The following SGPL1 variants were observed in gnomAD, a reference collection of about 807,000 sequenced individuals.
SGPL1 encodes SP-lyase 1.
Under a neutral mutation model 68.9 loss-of-function variants are expected in SGPL1, and 37 were observed. That is an observed-to-expected ratio of 0.54 (90% confidence interval 0.41 to 0.71). SGPL1 has a LOEUF of 0.71. SGPL1 is among the 30% of genes least tolerant of loss of function. The pLI is 0.00. For synonymous variants in SGPL1, 236 were observed against 248.5 expected (o/e 0.95, Z 0.47); for missense variants, 551 against 704.6 (o/e 0.78, Z 2.47).
intron 2 of SGPL1, among the ~76,000 whole-genome samples, chr10:70,826,991 G>A (rs1845448312): frequency 6.6e-6 from 1 of 152,126 alleles, no homozygotes; most frequent in Admixed American, 6.5e-5. Flanking sequence ...GCTGTTATGA[G>A]CGTTCTTATA....
At chr10:70,862,158 T>A (rs1351756354) in intron 7 of SGPL1, among the ~76,000 whole-genome samples, 1 of 152,208 alleles carries the variant, frequency 6.6e-6, no homozygotes, top group African/African-American at 2.4e-5. Flanking sequence ...CCTTTATGTG[T>A]AGCTCAGGGA....
chr10:70,835,560 C>T (rs1459966705), intron 2 of SGPL1, among the ~76,000 whole-genome samples: 1 of 151,828 alleles, frequency 6.6e-6, no homozygotes, highest in Non-Finnish European at 1.5e-5. Flanking sequence ...CACGGTGAAA[C>T]CCTGTCTCTA....
intron 2 of SGPL1, among the ~76,000 whole-genome samples, chr10:70,821,115 T>C (rs1301462478): frequency 2.6e-5 from 4 of 152,204 alleles, no homozygotes; most frequent in Non-Finnish European, 1.5e-5. Flanking sequence ...CTTGCCTTTT[T>C]CCATTTGCTC....
At chr10:70,841,228 T>G (rs1309340695) in intron 2 of SGPL1, among the ~76,000 whole-genome samples, 2 of 152,108 alleles carry the variant, frequency 1.3e-5, no homozygotes, top group Non-Finnish European at 2.9e-5. Flanking sequence ...GTTGGGGAAT[T>G]GCAGATAAAC....
chr10:70,854,038 A>T (rs1469517704), intron 4 of SGPL1, among the ~76,000 whole-genome samples: 1 of 152,234 alleles, frequency 6.6e-6, no homozygotes, highest in Admixed American at 6.5e-5. Context: ...CACACACTGT[A>T]GCTGCTGCCA....
chr10:70,841,948 A>G (rs1399943154), intron 2 of SGPL1, among the ~76,000 whole-genome samples: 1 of 152,142 alleles, frequency 6.6e-6, no homozygotes, highest in Non-Finnish European at 1.5e-5. Context: ...TGAACTTGAA[A>G]ATTTTGAATG....
rs185556276 is a variant in SGPL1 at position 70,851,651 on chromosome 10, G to A, written c.261+441G>A. ...AACAACATGCAGCTGGCTGACTTTA[G>A]GTATTTATCTAGGAGTTGGGTGCTT... is the stretch of plus-strand genomic sequence containing the variant. On this transcript the variant is annotated intron_variant, in intron 4 of 14. Transcript: ENST00000373202. 7.9e-5 allele frequency among the ~76,000 whole-genome samples: 12 copies of A among 152,288 alleles called. No homozygotes were observed. In the East Asian group the frequency reaches 2.3e-3, roughly 29 times the overall value.
chr10:70,849,317 C>A (rs971490116), intron 3 of SGPL1, among the ~76,000 whole-genome samples: 1 of 152,048 alleles, frequency 6.6e-6, no homozygotes, highest in African/African-American at 2.4e-5. Context: ...ATTTGATGAA[C>A]TATTATAACA....
Position 70,873,338 on chromosome 10 carries a change from A to G in SGPL1, c.1060-13A>G, listed in dbSNP as rs540445141. The stretch of plus-strand genomic sequence containing the variant: ...TATACTCTCACTTTTCTTGTCTGCT[A>G]CTTCTTCCACAGTATGGCTATGCCC... On this transcript the variant is annotated splice_polypyrimidine_tract_variant and intron_variant, in intron 11 of 14. Coordinates refer to ENST00000373202, the MANE Select transcript of SGPL1 (RefSeq NM_003901.4). 2 of 1,594,652 alleles carry G rather than the reference A, an allele frequency of 1.3e-6. No individual in the cohort carries two copies. Among genetic ancestry groups the G allele is most frequent in the East Asian group, 2.2e-5 (1 of 44,716 alleles).
intron 5 of SGPL1, among the ~76,000 whole-genome samples, chr10:70,856,844 A>G (rs923081301): frequency 3.3e-5 from 5 of 152,216 alleles, no homozygotes; most frequent in African/African-American, 7.2e-5. Flanking sequence ...TGAGACACCC[A>G]TATCAACAAA....
chr10:70,824,629 T>C (rs1289004245), intron 2 of SGPL1, among the ~76,000 whole-genome samples: 1 of 152,166 alleles, frequency 6.6e-6, no homozygotes, highest in East Asian at 1.9e-4. Context: ...AAAACCCTCA[T>C]GCCTAAATTT....
chr10:70,857,672 C>A lies in SGPL1; in HGVS notation c.468C>A (p.Leu156=). The A allele has an allele frequency of 6.2e-7, 1 of 1,612,050 alleles. No individual in the cohort carries two copies. The highest frequency in any genetic ancestry group is 1.1e-5 in the South Asian group (1 of 90,740). ...SGTVYSGEEK[L]TELLVKAYGD... is the part of the protein sequence containing the mutation. ...CAGTGTACAGTGGGGAGGAGAAGCTCACTGAGCTCCTTGTGAAGGTGAGTG... is the reference window on the plus strand; with the variant it reads ...CAGTGTACAGTGGGGAGGAGAAGCTAACTGAGCTCCTTGTGAAGGTGAGTG... Residue 156 remains leucine (L), a synonymous_variant, in exon 6 of 15, where the codon CTC becomes CTA. Coordinates refer to ENST00000373202, the MANE Select transcript of SGPL1 (RefSeq NM_003901.4).
At chr10:70,854,606 G>T (rs1291815477) in intron 4 of SGPL1, 102 bp from the exon 5 acceptor site, 4 of 930,944 alleles carry the variant, frequency 4.3e-6, no homozygotes, top group African/African-American at 1.7e-5. Flanking sequence ...TTAGTTACTT[G>T]TGCGGTGCCT....
At chr10:70,867,348 A>G (rs1415013004) in intron 7 of SGPL1, among the ~76,000 whole-genome samples, 3 of 152,174 alleles carry the variant, frequency 2.0e-5, no homozygotes, top group Admixed American at 2.0e-4. Flanking sequence ...AGATCACTTG[A>G]GGCCAGGAGC....
At chr10:70,849,972 C>T (rs533668699) in intron 3 of SGPL1, among the ~76,000 whole-genome samples, 7 of 152,252 alleles carry the variant, frequency 4.6e-5, no homozygotes, top group East Asian at 1.9e-4. Flanking sequence ...TTATGTCACT[C>T]GTAGATGGTA....
chr10:70,816,009 A>G lies in SGPL1; in HGVS notation c.-161A>G, dbSNP rs1300900976. 2.6e-5 allele frequency: 4 copies of G among 150,984 alleles called. No individual in the cohort carries two copies. Among genetic ancestry groups the G allele is most frequent in the African/African-American group, 4.9e-5 (2 of 41,158 alleles). The allele number at this position is 150,984 out of a possible 1,614,324, so 9.4% of individuals were successfully genotyped here. On this transcript the variant is annotated 5_prime_UTR_variant, in exon 1 of 15. Coordinates refer to ENST00000373202, the MANE Select transcript of SGPL1 (RefSeq NM_003901.4). The stretch of plus-strand genomic sequence containing the variant: ...TCCAATCTCGGCGGCGGCGGCGGCA[A>G]CAGGGGAGCCTGGGTCTCGCGGCCT...
At chr10:70,863,159 G>A (rs144326568) in intron 7 of SGPL1, among the ~76,000 whole-genome samples, 2,227 of 151,930 alleles carry the variant, frequency 0.015, 39 homozygotes, top group African/African-American at 0.049. Flanking sequence ...GCTAATTTTT[G>A]TATTTTTAGT....
chr10:70,817,975 G>A (rs976967718), intron 2 of SGPL1, among the ~76,000 whole-genome samples: 1 of 152,192 alleles, frequency 6.6e-6, no homozygotes, highest in Non-Finnish European at 1.5e-5. Context: ...CTAAATGCAT[G>A]TTTACCAAAA....
In SGPL1 at chr10:70,880,976, T is replaced by G. The variant is rs1564635137; in HGVS notation, c.*3641T>G. ...TTCACTCAGTGACACAAGTAATTAC[T>G]GAGTCCTAATTTGATAGCCACCAAC... On this transcript the variant is annotated 3_prime_UTR_variant, in exon 15 of 15. Coordinates refer to ENST00000373202, the MANE Select transcript of SGPL1 (RefSeq NM_003901.4). 1.3e-5 allele frequency: 2 copies of G among 152,190 alleles called. No individual in the cohort carries two copies. Among genetic ancestry groups the G allele is most frequent in the Admixed American group, 6.5e-5 (1 of 15,280 alleles). The allele number at this position is 152,190 out of a possible 1,614,324, so 9.4% of individuals were successfully genotyped here.
Sources: gnomAD v4.1 joint callset for allele counts (sites outside exome capture counted in the v4.1 genomes callset) on GRCh38, gnomAD v4.1.1 for gene constraint, MANE v1.5 for transcripts, NCBI Gene and HGNC (gene_info 2026-07-23, HGNC 2026-07-21) for gene names.